GTF2IRD2B: variants seen among roughly 807,000 people sequenced by gnomAD.
The protein encoded by GTF2IRD2B is GTF2I repeat domain containing 2B, also known as general transcription factor II-I repeat domain-containing protein 2B.
A neutral mutation model predicts 55.6 loss-of-function variants in GTF2IRD2B; 10 were observed. That is an observed-to-expected ratio of 0.18 (90% CI 0.11 to 0.31). The LOEUF (loss-of-function observed/expected upper bound fraction) is 0.31. Among genes scored for constraint, GTF2IRD2B ranks in the 10% least tolerant of loss-of-function variants. GTF2IRD2B has a pLI of 1.00. For missense variants in GTF2IRD2B, 206 were observed against 802.7 expected (o/e 0.26, Z 8.98); for synonymous variants, 107 against 320.5 (o/e 0.33, Z 7.12).
chr7:75,106,580 T>C (rs1170809739), intron 1 of GTF2IRD2B, among the ~76,000 whole-genome samples: 1 of 104,448 alleles, frequency 9.6e-6, no homozygotes, highest in African/African-American at 3.4e-5. Flanking sequence ...TCAAAGAAAT[T>C]TCTTAAAGCT....
At position 75,114,691 on chromosome 7, in the gene GTF2IRD2B, A is replaced by G. The variant is rs2655963; in HGVS notation, c.238+2156A>G. 2.0e-3 allele frequency among the ~76,000 whole-genome samples: 298 copies of G among 150,938 alleles called. 4 individuals are homozygous for G. Among genetic ancestry groups the G allele is most frequent in the South Asian group, 7.5e-3 (36 of 4,774 alleles). On this transcript the variant is annotated intron_variant, in intron 3 of 15. Coordinates refer to ENST00000472837, the MANE Select transcript of GTF2IRD2B (RefSeq NM_001003795.3). ...TTACAAGTGAGAACATGTGGTATTC[A>G]GTTTTCTGTCCCTGCATTAATTTAC...
chr7:75,103,859 C>T (rs1485169907), intron 1 of GTF2IRD2B, among the ~76,000 whole-genome samples: 3 of 146,752 alleles, frequency 2.0e-5, no homozygotes, highest in African/African-American at 7.5e-5. Context: ...GGTGAAACCC[C>T]GTCTCTACTA....
intron 1 of GTF2IRD2B, among the ~76,000 whole-genome samples, chr7:75,100,266 AAAAG>A (rs1477371237): frequency 8.3e-6 from 1 of 119,766 alleles, no homozygotes; most frequent in African/African-American, 3.0e-5. Context: ...CAAAAAAAAA[AAAAG>A]AAGAATTTTT....
At chr7:75,104,053 C>CAAAAAA (rs587607735) in intron 1 of GTF2IRD2B, among the ~76,000 whole-genome samples, 16 of 87,758 alleles carry the variant, frequency 1.8e-4, no homozygotes, top group African/African-American at 5.0e-4. Flanking sequence ...GACTCCGTCT[C>CAAAAAA]AAAAAAAAAA....
chr7:75,130,109 C>CT (rs1424307416), intron 8 of GTF2IRD2B, among the ~76,000 whole-genome samples: 1 of 107,014 alleles, frequency 9.3e-6, no homozygotes, highest in Non-Finnish European at 2.0e-5. Context: ...TTCTTTCTTT[C>CT]TTTCTTTCTT....
At chr7:75,114,169 C>G (rs1257777877) in intron 3 of GTF2IRD2B, among the ~76,000 whole-genome samples, 1 of 150,506 alleles carries the variant, frequency 6.6e-6, no homozygotes, top group Non-Finnish European at 1.5e-5. Flanking sequence ...CTTCCGAGAT[C>G]CCAAATTAAG....
intron 8 of GTF2IRD2B, among the ~76,000 whole-genome samples, chr7:75,130,091 CTCTT>C (rs201826313): frequency 0.11 from 7,981 of 75,068 alleles, 94 homozygotes; most frequent in Non-Finnish European, 0.12. Context: ...AATTTATTTT[CTCTT>C]TCTTTCTTTC....
chr7:75,103,635 C>T (rs1181747391), intron 1 of GTF2IRD2B, among the ~76,000 whole-genome samples: 1 of 151,746 alleles, frequency 6.6e-6, no homozygotes, highest in Non-Finnish European at 1.5e-5. Flanking sequence ...CCCGGATGCA[C>T]CCATTTCCAG....
Position 75,123,516 on chromosome 7 carries a change from GGTAA to G in GTF2IRD2B, c.571+3_571+6del. 1.4e-6 allele frequency: 1 copy of G among 707,652 alleles called. No homozygotes were observed. The highest frequency in any genetic ancestry group is 2.0e-5 in the African/African-American group (1 of 49,534). The allele number at this position is 707,652 out of a possible 1,614,324, so 43.8% of individuals were successfully genotyped here. A position where few individuals can be genotyped will look rare whatever the true frequency, so the allele number is the denominator to read the frequency against. The stretch of plus-strand genomic sequence containing the variant: ...CTTCCTAGGACCAGAGAGTCAGCTG[GGTAA>G]GTGACAGCTTCTCAGGTTTGGTGGC... On this transcript the variant is annotated splice_donor_variant and splice_donor_region_variant and intron_variant, in intron 6 of 15. Coordinates refer to ENST00000472837, the MANE Select transcript of GTF2IRD2B (RefSeq NM_001003795.3). LOFTEE classifies it high-confidence loss of function.
At chr7:75,115,918 CTT>C (rs781957846) in intron 3 of GTF2IRD2B, among the ~76,000 whole-genome samples, 5 of 85,430 alleles carry the variant, frequency 5.9e-5, no homozygotes, top group East Asian at 2.8e-4. Context: ...TCTTTTCTTT[CTT>C]TTTTTTTTTT....
intron 1 of GTF2IRD2B, among the ~76,000 whole-genome samples, chr7:75,104,922 C>T (rs1371069868): frequency 1.3e-4 from 20 of 152,392 alleles, no homozygotes; most frequent in African/African-American, 3.6e-4. Flanking sequence ...CGGCTGGGCG[C>T]GGTGGCTCAC....
chr7:75,105,429 A>G (rs1807759611), intron 1 of GTF2IRD2B, among the ~76,000 whole-genome samples: 1 of 152,298 alleles, frequency 6.6e-6, no homozygotes, highest in Admixed American at 6.5e-5. Context: ...GCTCGAACCC[A>G]GGAGGCAGAG....
At chr7:75,118,078 A>G (rs1808232959) in intron 3 of GTF2IRD2B, among the ~76,000 whole-genome samples, 1 of 151,474 alleles carries the variant, frequency 6.6e-6, no homozygotes, top group Admixed American at 6.6e-5. Flanking sequence ...GCAAGACAAA[A>G]AAAAAAAAAA....
At chr7:75,132,941 A>G (rs1158525333) in intron 8 of GTF2IRD2B, among the ~76,000 whole-genome samples, 194 bp from the exon 9 acceptor site, 2 of 137,516 alleles carry the variant, frequency 1.5e-5, no homozygotes, top group East Asian at 3.9e-4. Flanking sequence ...TATGTTTTCT[A>G]TATGTATATT....
intron 11 of GTF2IRD2B, 108 bp from the exon 12 acceptor site, chr7:75,138,842 A>AT (rs1455467829): frequency 1.7e-5 from 1 of 57,236 alleles, no homozygotes; most frequent in African/African-American, 9.1e-5. Context: ...AAAAAAAAAA[A>AT]GAAAAAAAAA....
At chr7:75,117,388 G>A (rs1223964893) in intron 3 of GTF2IRD2B, among the ~76,000 whole-genome samples, 3 of 152,394 alleles carry the variant, frequency 2.0e-5, no homozygotes, top group South Asian at 2.1e-4. Context: ...CCAGCTACTC[G>A]GGAGGGAGAG....
intron 1 of GTF2IRD2B, among the ~76,000 whole-genome samples, chr7:75,102,151 C>A (rs587651541): frequency 6.6e-6 from 1 of 150,668 alleles, no homozygotes; most frequent in South Asian, 2.1e-4. Flanking sequence ...TACAGGCGTG[C>A]GCCACCATGC....
chr7:75,147,442 G>A (rs1809180845), intron 15 of GTF2IRD2B, among the ~76,000 whole-genome samples: 2 of 151,834 alleles, frequency 1.3e-5, no homozygotes, highest in African/African-American at 2.4e-5. Context: ...CAAAAACAAC[G>A]ACAACAAAAA....
chr7:75,093,255 GATCTGTT>G (rs1405210531), intron 1 of GTF2IRD2B, among the ~76,000 whole-genome samples: 1 of 151,776 alleles, frequency 6.6e-6, no homozygotes, highest in Non-Finnish European at 1.5e-5. Context: ...GGCCTCCGGG[GATCTGTT>G]TGTTGGCGGA....
Sources: gnomAD v4.1 joint callset for allele counts (sites outside exome capture counted in the v4.1 genomes callset) on GRCh38, gnomAD v4.1.1 for gene constraint, MANE v1.5 for transcripts, NCBI Gene and HGNC (gene_info 2026-07-23, HGNC 2026-07-21) for gene names.